The following PPFIA2 variants were observed in gnomAD, a reference collection of about 807,000 sequenced individuals.
PPFIA2 encodes the protein PPFI scaffold protein A2.
Under a neutral mutation model 175.5 loss-of-function variants are expected in PPFIA2, and 46 were observed. The observed-to-expected ratio is 0.26, with a 90% CI of 0.21 to 0.34. The LOEUF is 0.34. Ranked by LOEUF, PPFIA2 falls within the 10% of genes least tolerant of loss-of-function variation. PPFIA2 has a pLI of 1.00. For missense variants in PPFIA2, 1,179 were observed against 1,506.1 expected (o/e 0.78, Z 3.60); for synonymous variants, 568 against 511.4 (o/e 1.11, Z -1.49).
At position 81,294,949 on chromosome 12, in the gene PPFIA2, A is replaced by T. The variant is rs184332325; in HGVS notation, c.2811T>A (p.Thr937=). 1 of 1,612,794 alleles carries T rather than the reference A, an allele frequency of 6.2e-7. No homozygotes were observed. Among genetic ancestry groups the T allele is most frequent in the Non-Finnish European group, 8.5e-7 (1 of 1,178,934 alleles). The change falls in exon 24 of 33, where the codon ACT becomes ACA. Residue 937 remains threonine, a synonymous_variant. Coordinates refer to ENST00000549396, the MANE Select transcript of PPFIA2 (RefSeq NM_003625.5). Reference sequence around the variant, plus strand: ...TGATTCCAATTTCTCTCTGGATCTCAGTGTCAGATAAAGCAGACATGATGG... The same window carrying T: ...TGATTCCAATTTCTCTCTGGATCTCTGTGTCAGATAAAGCAGACATGATGG... The part of the protein sequence containing the change: ...SGAIMSALSD[T]EIQREIGISN...
rs541906655 is a variant in PPFIA2, at chr12:81,746,868, C to T, written c.249+7105G>A. ...ATAATGAGCATTGAAGGACAACATA[C>T]CTACTAGCCTAGAAAGGGAATGTTT... On this transcript the variant is annotated intron_variant, in intron 3 of 32. Transcript: ENST00000549396. Among the ~76,000 whole-genome samples the T allele has an allele frequency of 5.6e-5, 8 of 143,182 alleles. 1 individual carries two copies. In the East Asian group the frequency reaches 1.7e-3, roughly 31 times the overall value. The allele number at this position is 143,182 out of a possible 152,430, so 93.9% of individuals were successfully genotyped here.
At chr12:81,478,823 T>A (rs1027163088) in intron 4 of PPFIA2, among the ~76,000 whole-genome samples, 3 of 152,102 alleles carry the variant, frequency 2.0e-5, no homozygotes, top group East Asian at 3.9e-4. Context: ...ATCTGAGGAG[T>A]GTTTTACTTC....
At chr12:81,677,179 C>A (rs1421583750) in intron 3 of PPFIA2, among the ~76,000 whole-genome samples, 1 of 151,470 alleles carries the variant, frequency 6.6e-6, no homozygotes, top group Non-Finnish European at 1.5e-5. Context: ...AAATATTAAA[C>A]CCATGGAAAA....
chr12:81,728,982 A>T (rs747781573), intron 3 of PPFIA2, among the ~76,000 whole-genome samples: 22 of 151,502 alleles, frequency 1.5e-4, no homozygotes, highest in Non-Finnish European at 2.7e-4. Flanking sequence ...AAAACCACAT[A>T]TTTATACCAA....
intron 4 of PPFIA2, among the ~76,000 whole-genome samples, chr12:81,631,168 T>C (rs1231145145): frequency 6.6e-6 from 1 of 152,130 alleles, no homozygotes; most frequent in South Asian, 2.1e-4. Context: ...AGTGCTGGAA[T>C]TACACGCATG....
At chr12:81,576,423 C>T (rs1313743444) in intron 4 of PPFIA2, among the ~76,000 whole-genome samples, 1 of 151,652 alleles carries the variant, frequency 6.6e-6, no homozygotes, top group East Asian at 2.0e-4. Context: ...TCAGTCAATG[C>T]CATTTTGTGA....
chr12:81,665,755 T>C (rs1347281230), intron 4 of PPFIA2, among the ~76,000 whole-genome samples: 2 of 151,802 alleles, frequency 1.3e-5, no homozygotes, highest in Non-Finnish European at 1.5e-5. Flanking sequence ...AAAGCCAAAA[T>C]TGACAAATGG....
intron 3 of PPFIA2, among the ~76,000 whole-genome samples, chr12:81,723,522 A>G (rs1208470513): frequency 6.6e-6 from 1 of 151,012 alleles, no homozygotes; most frequent in Non-Finnish European, 1.5e-5. Flanking sequence ...AATGAAATGC[A>G]TTCTTAGCTG....
intron 4 of PPFIA2, among the ~76,000 whole-genome samples, chr12:81,468,395 C>A (rs1441576266): frequency 6.6e-6 from 1 of 152,170 alleles, no homozygotes; most frequent in Admixed American, 6.5e-5. Context: ...TAAAGCATGT[C>A]AGGGCTGAGT....
At chr12:81,661,275 C>A (rs764946972) in intron 4 of PPFIA2, among the ~76,000 whole-genome samples, 7 of 152,122 alleles carry the variant, frequency 4.6e-5, no homozygotes, top group Non-Finnish European at 7.4e-5. Flanking sequence ...AGAGTCAAGA[C>A]CCATCTGTGT....
At chr12:81,709,703 C>A (rs2077648345) in intron 3 of PPFIA2, among the ~76,000 whole-genome samples, 1 of 151,996 alleles carries the variant, frequency 6.6e-6, no homozygotes, top group Admixed American at 6.6e-5. Flanking sequence ...GGTGTTCCAC[C>A]ATTTCAGTAC....
At position 81,321,462 on chromosome 12, in the gene PPFIA2, A is replaced by T. The variant is rs189926146; in HGVS notation, c.2642+4315T>A. Among the ~76,000 whole-genome samples, 75 of 152,278 alleles carry T rather than the reference A, an allele frequency of 4.9e-4. No individual in the cohort carries two copies. The East Asian group carries it at 0.014, about 29-fold the overall frequency. ...TTTATTAATTCCCTTGTAAGCTCATAGTTCTTGATTCTAAAGTAACAAATT... is the reference window on the plus strand; with the variant it reads ...TTTATTAATTCCCTTGTAAGCTCATTGTTCTTGATTCTAAAGTAACAAATT... On this transcript the variant is annotated intron_variant, in intron 22 of 32. Transcript: ENST00000549396.
chr12:81,275,956 T>C (rs1355035129), intron 28 of PPFIA2, among the ~76,000 whole-genome samples: 1 of 151,912 alleles, frequency 6.6e-6, no homozygotes, highest in Admixed American at 6.6e-5. Context: ...GGCTAATTTT[T>C]TGTATTTTTA....
intron 17 of PPFIA2, among the ~76,000 whole-genome samples, chr12:81,349,489 G>T (rs182795952): frequency 3.3e-5 from 5 of 151,996 alleles, no homozygotes; most frequent in South Asian, 2.1e-4. Context: ...TCCAAAGAAA[G>T]GTTTAATCAA....
At chr12:81,444,021 A>T (rs898551330) in intron 6 of PPFIA2, among the ~76,000 whole-genome samples, 5 of 150,190 alleles carry the variant, frequency 3.3e-5, no homozygotes, top group African/African-American at 1.2e-4. Flanking sequence ...CGCCCAGCTA[A>T]TTTTTTGTAT....
rs1380505086 is a variant in PPFIA2 at position 81,334,501 on chromosome 12, A to AT, written c.2548+4678_2548+4679insA. Among the ~76,000 whole-genome samples, 199 of 151,948 alleles carry AT rather than the reference A, an allele frequency of 1.3e-3. 3 individuals are homozygous for AT. Among genetic ancestry groups the AT allele is most frequent in the Admixed American group, 6.0e-3 (92 of 15,256 alleles). ...TCTCTCCCTCCACCAAAAAAAAAAA[A>AT]AAATAAATCTCCTCAACTCTGGGTC... is the stretch of plus-strand genomic sequence containing the variant. On this transcript the variant is annotated intron_variant, in intron 21 of 32. Transcript: ENST00000549396.
chr12:81,695,654 A>T (rs910633415), intron 3 of PPFIA2, among the ~76,000 whole-genome samples: 2 of 152,188 alleles, frequency 1.3e-5, no homozygotes, highest in African/African-American at 4.8e-5. Context: ...TTAAAAAAAC[A>T]ATATAAATTA....
intron 4 of PPFIA2, among the ~76,000 whole-genome samples, chr12:81,560,454 G>A (rs1426929581): frequency 6.6e-6 from 1 of 152,088 alleles, no homozygotes; most frequent in African/African-American, 2.4e-5. Context: ...TACTAGCAGA[G>A]TCATATGTGT....
intron 22 of PPFIA2, among the ~76,000 whole-genome samples, chr12:81,317,856 A>G (rs2139444958): frequency 6.6e-6 from 1 of 151,784 alleles, no homozygotes; most frequent in Admixed American, 6.6e-5. Context: ...GGGCAGGGAC[A>G]ATTTAAAAAG....
Sources: gnomAD v4.1 joint callset for allele counts (sites outside exome capture counted in the v4.1 genomes callset) on GRCh38, gnomAD v4.1.1 for gene constraint, MANE v1.5 for transcripts, NCBI Gene and HGNC (gene_info 2026-07-23, HGNC 2026-07-21) for gene names.